FAM13A: variants seen among roughly 807,000 people sequenced by gnomAD.
FAM13A encodes the protein protein FAM13A.
A neutral mutation model predicts 129.6 loss-of-function variants in FAM13A; 76 were observed. The observed-to-expected ratio is 0.59, with a 90% CI of 0.49 to 0.71. FAM13A has a LOEUF of 0.71. Ranked by LOEUF, FAM13A falls within the 30% of genes least tolerant of loss-of-function variation. The probability of loss-of-function intolerance (pLI) is 0.00; values close to 1 mark genes in which losing one functional copy is unlikely to be tolerated. For missense variants in FAM13A, 1,108 were observed against 1,249.3 expected (o/e 0.89, Z 1.70); for synonymous variants, 443 against 449.9 (o/e 0.98, Z 0.20).
At chr4:88,876,756 T>C (rs899266778) in intron 6 of FAM13A, among the ~76,000 whole-genome samples, 4 of 152,106 alleles carry the variant, frequency 2.6e-5, no homozygotes, top group African/African-American at 4.8e-5. Flanking sequence ...CACGCCCAGC[T>C]AATTTTTTGT....
intron 10 of FAM13A, among the ~76,000 whole-genome samples, chr4:88,781,847 G>T (rs1457857802): frequency 2.0e-5 from 3 of 149,868 alleles, no homozygotes; most frequent in South Asian, 2.1e-4. Context: ...TTGTGGGGTG[G>T]GGGGAGCGGG....
intron 7 of FAM13A, among the ~76,000 whole-genome samples, chr4:88,845,589 A>G (rs1264269790): frequency 1.3e-5 from 2 of 152,152 alleles, no homozygotes; most frequent in Non-Finnish European, 2.9e-5. Flanking sequence ...CATTTACTAT[A>G]ATGAATTAAA....
intron 4 of FAM13A, among the ~76,000 whole-genome samples, chr4:88,988,370 T>C (rs983712051): frequency 3.9e-5 from 6 of 152,156 alleles, no homozygotes; most frequent in Non-Finnish European, 2.9e-5. Context: ...TTGAATGGAC[T>C]CTCCAAATGA....
intron 6 of FAM13A, among the ~76,000 whole-genome samples, chr4:88,866,009 T>C (rs1367597685): frequency 6.6e-6 from 1 of 150,552 alleles, no homozygotes; most frequent in African/African-American, 2.5e-5. Flanking sequence ...GTAGCTGGGA[T>C]TACAGGCACG....
chr4:88,837,897 G>T (rs1735103767), intron 7 of FAM13A, among the ~76,000 whole-genome samples: 1 of 151,888 alleles, frequency 6.6e-6, no homozygotes, highest in African/African-American at 2.4e-5. Context: ...AATATAGTTG[G>T]CCTTTTGTGT....
chr4:89,039,091 C>T (rs1485449752), intron 1 of FAM13A, among the ~76,000 whole-genome samples: 1 of 152,092 alleles, frequency 6.6e-6, no homozygotes, highest in East Asian at 1.9e-4. Flanking sequence ...TAAGGTGATG[C>T]TCACTAGCTT....
At chr4:88,897,299 G>A (rs1433822320) in intron 6 of FAM13A, among the ~76,000 whole-genome samples, 2 of 152,194 alleles carry the variant, frequency 1.3e-5, no homozygotes, top group South Asian at 2.1e-4. Flanking sequence ...ATAGCTACAC[G>A]AGTAAGTCCT....
chr4:88,766,739 A>G (rs933916935), intron 13 of FAM13A, among the ~76,000 whole-genome samples: 1 of 152,210 alleles, frequency 6.6e-6, no homozygotes, highest in Admixed American at 6.5e-5. Context: ...GAATAAATCC[A>G]TCAGTGAATT....
chr4:88,905,464 A>G (rs1207987073), intron 6 of FAM13A, among the ~76,000 whole-genome samples: 2 of 152,114 alleles, frequency 1.3e-5, no homozygotes, highest in African/African-American at 2.4e-5. Flanking sequence ...ATAGGTAAAC[A>G]TGTGTCACAA....
intron 9 of FAM13A, 29 bp from the exon 10 acceptor site, chr4:88,787,961 A>C: frequency 1.3e-6 from 2 of 1,594,498 alleles, no homozygotes; most frequent in Non-Finnish European, 1.7e-6. Context: ...GAGTCATTCA[A>C]GCAGTCAAGT....
rs750077363 is a variant in FAM13A, at chr4:88,739,069, G to A, written c.2523C>T (p.Val841=). The A allele has an allele frequency of 1.2e-6, 2 of 1,613,774 alleles. No individual in the cohort carries two copies. ...MKPLYDRYRL[V]KQILSRANTI... ...TGTTAGCTCGGGAGAGGATCTGTTT[G>A]ACCAGCCGGTACCTGTCGTATAGTG... Residue 841 remains valine, a synonymous_variant, in exon 20 of 24, where the codon GTC becomes GTT. Transcript: ENST00000264344.
chr4:88,731,695 TGAAA>T, intron 22 of FAM13A: 1 of 524,894 alleles, frequency 1.9e-6, no homozygotes, highest in Non-Finnish European at 3.3e-6. Flanking sequence ...TATTTTTCTT[TGAAA>T]GAAAGAGATG....
intron 1 of FAM13A, among the ~76,000 whole-genome samples, chr4:89,043,880 G>A (rs1333841973): frequency 2.6e-5 from 4 of 151,982 alleles, no homozygotes; most frequent in Admixed American, 2.6e-4. Context: ...AAGACAGTCT[G>A]GGCAACACAG....
chr4:88,749,782 T>G lies in FAM13A; in HGVS notation c.2068A>C (p.Lys690Gln). 1.2e-6 allele frequency: 2 copies of G among 1,614,144 alleles called. No individual in the cohort carries two copies. The highest frequency in any genetic ancestry group is 1.7e-6 in the Non-Finnish European group (2 of 1,180,000). The change falls in exon 16 of 24, where the codon AAG (lysine) becomes CAG (glutamine). Residue 690 changes from lysine to glutamine, a missense_variant. Physicochemically the swap from Lys to Gln is moderately conservative, Grantham distance 53 (BLOSUM62 1). Transcript: ENST00000264344. Reference protein sequence around the residue: ...RKFEDRFEEEKKYRPSHSDKA... With the variant: ...RKFEDRFEEEQKYRPSHSDKA... ...GAGGGGACACTTACTCTGTACTTCT[T>G]CTCTTCTTCGAATCTATCTTCAAAC... is the stretch of plus-strand genomic sequence containing the variant.
At chr4:88,970,938 G>A (rs1382832554) in intron 4 of FAM13A, among the ~76,000 whole-genome samples, 1 of 152,254 alleles carries the variant, frequency 6.6e-6, no homozygotes, top group Non-Finnish European at 1.5e-5. Context: ...GCCGGGTGCA[G>A]TGGCTCACGC....
In FAM13A at chr4:88,726,676, A is replaced by C. The variant is rs1052415806; in HGVS notation, c.*1857T>G. 3.8e-4 allele frequency: 58 copies of C among 152,774 alleles called. No homozygotes were observed. Among genetic ancestry groups the C allele is most frequent in the African/African-American group, 1.3e-3 (56 of 41,588 alleles). 9.5% of individuals were successfully genotyped at this position (152,774 alleles called of 1,614,324 possible). Reference sequence around the variant, plus strand: ...CAATTTTTGGTCATGTGAATGATTCATGTTCAGATTTCAAAAATAGGAAAC... The same window carrying C: ...CAATTTTTGGTCATGTGAATGATTCCTGTTCAGATTTCAAAAATAGGAAAC... On this transcript the variant is annotated 3_prime_UTR_variant, in exon 24 of 24. Coordinates refer to ENST00000264344, the MANE Select transcript of FAM13A (RefSeq NM_014883.4).
At chr4:88,906,288 AAAACAAACAAAC>A in intron 6 of FAM13A, 79 bp downstream of exon 6, 1 of 940,904 alleles carries the variant, frequency 1.1e-6, no homozygotes, top group Non-Finnish European at 1.6e-6. Flanking sequence ...ACTCTGTCTC[AAAACAAACAAAC>A]AAACAAACAA....
At chr4:88,888,077 G>A (rs1221224827) in intron 6 of FAM13A, among the ~76,000 whole-genome samples, 1 of 151,938 alleles carries the variant, frequency 6.6e-6, no homozygotes, top group Non-Finnish European at 1.5e-5. Flanking sequence ...ATTATAGACT[G>A]GTCTATCAAC....
At chr4:89,001,747 T>C (rs888506098) in intron 3 of FAM13A, among the ~76,000 whole-genome samples, 5 of 152,130 alleles carry the variant, frequency 3.3e-5, no homozygotes, top group African/African-American at 1.2e-4. Flanking sequence ...ATAGTGTAGA[T>C]AAAAGACAGG....
Sources: gnomAD v4.1 joint callset for allele counts (sites outside exome capture counted in the v4.1 genomes callset) on GRCh38, gnomAD v4.1.1 for gene constraint, MANE v1.5 for transcripts, NCBI Gene and HGNC (gene_info 2026-07-23, HGNC 2026-07-21) for gene names.